Variants in MRPL22 observed in about 807,000 individuals in gnomAD.
The protein encoded by MRPL22 is large ribosomal subunit protein uL22m.
Under a neutral mutation model 32.4 loss-of-function variants are expected in MRPL22, and 27 were observed. The observed-to-expected ratio is 0.83, with a 90% CI of 0.61 to 1.15. The LOEUF (loss-of-function observed/expected upper bound fraction) is 1.15, where lower values mean the gene tolerates loss of function less well. Among genes scored for constraint, MRPL22 ranks in the 50% most tolerant of loss-of-function variants. The probability of loss-of-function intolerance (pLI) is 0.00; values close to 1 mark genes in which losing one functional copy is unlikely to be tolerated. For synonymous variants in MRPL22, 86 were observed against 87.3 expected (o/e 0.99, Z 0.08); for missense variants, 239 against 260.2 (o/e 0.92, Z 0.56).
At chr5:154,957,332 A>G (rs1271223942) in intron 5 of MRPL22, 120 bp downstream of exon 5, 8 of 740,068 alleles carry the variant, frequency 1.1e-5, no homozygotes, top group Non-Finnish European at 1.6e-5. Flanking sequence ...GTAAATGCAT[A>G]CTTTATATAA....
chr5:154,941,501 G>A (rs1418590777), intron 2 of MRPL22, among the ~76,000 whole-genome samples: 30 of 152,152 alleles, frequency 2.0e-4, no homozygotes, highest in Admixed American at 1.9e-3. Context: ...ATTTCCGAAC[G>A]TCTACTGTGA....
chr5:154,948,849 G>A (rs2113534235), intron 2 of MRPL22, among the ~76,000 whole-genome samples: 1 of 152,222 alleles, frequency 6.6e-6, no homozygotes, highest in Non-Finnish European at 1.5e-5. Flanking sequence ...AAAATAACAA[G>A]TTGGCTCACT....
At chr5:154,953,594 G>A (rs1159001177) in intron 3 of MRPL22, among the ~76,000 whole-genome samples, 1 of 151,016 alleles carries the variant, frequency 6.6e-6, no homozygotes, top group Non-Finnish European at 1.5e-5. Flanking sequence ...GTTTCTATAT[G>A]AGACGTATTT....
chr5:154,953,748 A>G (rs1764596969), intron 3 of MRPL22, among the ~76,000 whole-genome samples: 1 of 135,874 alleles, frequency 7.4e-6, no homozygotes, highest in African/African-American at 2.8e-5. Flanking sequence ...GTGCAGTAGC[A>G]TGATCTCGGC....
At chr5:154,958,362 G>A (rs1002901938) in intron 5 of MRPL22, among the ~76,000 whole-genome samples, 2 of 151,874 alleles carry the variant, frequency 1.3e-5, no homozygotes, top group African/African-American at 4.8e-5. Flanking sequence ...GTAGTAATAG[G>A]TAAATAGTTG....
chr5:154,947,969 A>T (rs890463168), intron 2 of MRPL22, among the ~76,000 whole-genome samples: 5 of 152,254 alleles, frequency 3.3e-5, no homozygotes, highest in African/African-American at 1.2e-4. Context: ...AACAATGAAC[A>T]TCTATGTGGC....
chr5:154,946,695 C>T (rs1764496288), intron 2 of MRPL22, among the ~76,000 whole-genome samples: 1 of 151,980 alleles, frequency 6.6e-6, no homozygotes, highest in Admixed American at 6.6e-5. Flanking sequence ...GTGGTGCGTC[C>T]CTGTAATCCC....
rs115488567 is a variant in MRPL22 at position 154,954,547 on chromosome 5, T to C, written c.196-1824T>C. Among the ~76,000 whole-genome samples the C allele has an allele frequency of 8.0e-3, 1,221 of 152,296 alleles. 9 individuals carry two copies. The highest frequency in any genetic ancestry group is 0.028 in the African/African-American group (1,176 of 41,558). The stretch of plus-strand genomic sequence containing the variant: ...ATTTGCTTGATACGTACTGAGACTT[T>C]GTCTCGTTTATCTTTAGAAAGTGCC... On this transcript the variant is annotated intron_variant, in intron 3 of 6. Coordinates refer to ENST00000523037, the MANE Select transcript of MRPL22 (RefSeq NM_014180.4).
intron 6 of MRPL22, among the ~76,000 whole-genome samples, chr5:154,963,063 C>T (rs147327132): frequency 7.9e-5 from 12 of 152,218 alleles, no homozygotes; most frequent in African/African-American, 1.7e-4. Flanking sequence ...CTCAGCCTCC[C>T]GAGTAGCTGG....
chr5:154,956,120 G>A (rs1218049713), intron 3 of MRPL22: 1 of 374,788 alleles, frequency 2.7e-6, no homozygotes, highest in Admixed American at 4.9e-5. Context: ...TGTTGCAAGT[G>A]TTGACACAAA....
At chr5:154,953,608 AT>A (rs1485715805) in intron 3 of MRPL22, among the ~76,000 whole-genome samples, 1 of 151,308 alleles carries the variant, frequency 6.6e-6, no homozygotes, top group Non-Finnish European at 1.5e-5. Flanking sequence ...CGTATTTTTA[AT>A]TTATGGATTA....
At chr5:154,949,527 T>C (rs950017080) in intron 2 of MRPL22, among the ~76,000 whole-genome samples, 1 of 152,110 alleles carries the variant, frequency 6.6e-6, no homozygotes, top group African/African-American at 2.4e-5. Context: ...CTATATAGGA[T>C]GGTGGCAATT....
At position 154,966,732 on chromosome 5, in the gene MRPL22, C is replaced by T; in HGVS notation, c.456C>T (p.Tyr152=). 6.2e-7 allele frequency: 1 copy of T among 1,614,204 alleles called. No homozygotes were observed. Among genetic ancestry groups the T allele is most frequent in the Non-Finnish European group, 8.5e-7 (1 of 1,180,044 alleles). Residue 152 remains tyrosine (Y), a synonymous_variant, in exon 7 of 7, where the codon TAC becomes TAT. Coordinates refer to ENST00000523037, the MANE Select transcript of MRPL22 (RefSeq NM_014180.4). ...GCCAGTGCCTGAAACGCATCCGCTACCATGGCAGAGGTCGCTTTGGGATCA... is the reference window on the plus strand; with the variant it reads ...GCCAGTGCCTGAAACGCATCCGCTATCATGGCAGAGGTCGCTTTGGGATCA... The part of the protein sequence containing the change: ...GRGQCLKRIR[Y]HGRGRFGIME...
intron 2 of MRPL22, among the ~76,000 whole-genome samples, chr5:154,947,757 T>TA (rs1764510776): frequency 6.6e-6 from 1 of 152,312 alleles, no homozygotes; most frequent in East Asian, 1.9e-4. Context: ...TATAGCCACT[T>TA]ACGATAGTAC....
At chr5:154,946,908 G>A (rs1018041106) in intron 2 of MRPL22, among the ~76,000 whole-genome samples, 4 of 152,052 alleles carry the variant, frequency 2.6e-5, no homozygotes, top group African/African-American at 4.8e-5. Flanking sequence ...TCCTCCTATC[G>A]TGGCCTCCCA....
chr5:154,946,223 A>G (rs1239459117), intron 2 of MRPL22, among the ~76,000 whole-genome samples: 1 of 152,144 alleles, frequency 6.6e-6, no homozygotes, highest in African/African-American at 2.4e-5. Context: ...TGTTTCTGTC[A>G]TGCTGTTGGT....
intron 6 of MRPL22, among the ~76,000 whole-genome samples, chr5:154,961,003 G>A (rs116186394): frequency 0.031 from 4,651 of 152,150 alleles, 112 homozygotes; most frequent in Non-Finnish European, 0.045. Flanking sequence ...ATCAATACAG[G>A]GGGAATTAGT....
intron 3 of MRPL22, among the ~76,000 whole-genome samples, chr5:154,951,580 C>G (rs1362554272): frequency 6.6e-6 from 1 of 151,944 alleles, no homozygotes; most frequent in Non-Finnish European, 1.5e-5. Context: ...CTCTGTCACC[C>G]AGCTGGAGTG....
intron 2 of MRPL22, among the ~76,000 whole-genome samples, chr5:154,943,613 CATAT>C (rs1025147422): frequency 6.6e-6 from 1 of 150,628 alleles, no homozygotes; most frequent in Non-Finnish European, 1.5e-5. Flanking sequence ...CATATATACA[CATAT>C]ATATACATAT....
Sources: allele counts gnomAD v4.1 joint callset (sites outside exome capture counted in the v4.1 genomes callset), GRCh38; gene constraint gnomAD v4.1.1; transcripts MANE v1.5; gene names NCBI Gene and HGNC (gene_info 2026-07-23, HGNC 2026-07-21).